EHD4: variants seen among roughly 807,000 people sequenced by gnomAD.
EHD4 encodes EH domain containing 4, also known as EH domain-containing protein 4.
Under a neutral mutation model 51.0 loss-of-function variants are expected in EHD4, and 37 were observed. The observed-to-expected ratio is 0.73, with a 90% CI of 0.56 to 0.95. The LOEUF is 0.95. Ranked by LOEUF, EHD4 falls within the 40% of genes least tolerant of loss-of-function variation. The probability of loss-of-function intolerance (pLI) is 0.00; values close to 1 mark genes in which losing one functional copy is unlikely to be tolerated. For synonymous variants in EHD4, 297 were observed against 317.3 expected (o/e 0.94, Z 0.68); for missense variants, 632 against 733.1 (o/e 0.86, Z 1.59).
chr15:41,931,867 G>A lies in EHD4; in HGVS notation c.511+11200C>T, dbSNP rs923273536. Among the ~76,000 whole-genome samples, 20 of 152,136 alleles carry A rather than the reference G, an allele frequency of 1.3e-4. No homozygotes were observed. The South Asian group carries it at 1.5e-3, about 11-fold the overall frequency. On this transcript the variant is annotated intron_variant, in intron 3 of 5. Coordinates refer to ENST00000220325, the MANE Select transcript of EHD4 (RefSeq NM_139265.4). ...AATTTTTGTATTTTTAGTAGAGACA[G>A]GGTTTCACCATGTTGGTCAGGCTGG...
At chr15:41,962,568 T>C (rs190265209) in intron 1 of EHD4, among the ~76,000 whole-genome samples, 53 of 148,248 alleles carry the variant, frequency 3.6e-4, no homozygotes, top group African/African-American at 9.5e-4. Flanking sequence ...CACAACAATA[T>C]AATTGAGACA....
rs756909109 is a variant in EHD4, at chr15:41,900,624, C to A, written c.*21G>T. ...TGAGGCCCAGGTCCCCCAGTTCCCA[C>A]CCCGTTCTGCAGCCCACCCCTCAGT... On this transcript the variant is annotated 3_prime_UTR_variant, in exon 6 of 6. Transcript: ENST00000220325. The surrounding 1 kb of genome is among the most constrained non-coding windows in gnomAD (Gnocchi z 4.8). The A allele has an allele frequency of 7.1e-6, 11 of 1,555,662 alleles. No individual in the cohort carries two copies. Among genetic ancestry groups the A allele is most frequent in the Admixed American group, 1.8e-5 (1 of 56,786 alleles).
chr15:41,896,338 T>C lies in EHD4; in HGVS notation c.*4307A>G, dbSNP rs572749453. The C allele has an allele frequency of 1.3e-5, 2 of 152,348 alleles. No homozygotes were observed. The highest frequency in any genetic ancestry group is 2.1e-4 in the South Asian group (1 of 4,828). The allele number at this position is 152,348 out of a possible 1,614,324, so 9.4% of individuals were successfully genotyped here. A position where few individuals can be genotyped will look rare whatever the true frequency, so the allele number is the denominator to read the frequency against. ...TGGACACCCCTCTCAGTGCCATTTATATTGTTGCATCAATAGGCTCATTTC... is the reference window on the plus strand; with the variant it reads ...TGGACACCCCTCTCAGTGCCATTTACATTGTTGCATCAATAGGCTCATTTC... On this transcript the variant is annotated 3_prime_UTR_variant, in exon 6 of 6. Transcript: ENST00000220325.
chr15:41,960,602 C>T (rs1267730554), intron 1 of EHD4, among the ~76,000 whole-genome samples: 3 of 151,798 alleles, frequency 2.0e-5, no homozygotes, highest in African/African-American at 7.3e-5. Flanking sequence ...CCTGAACAAA[C>T]ATCTCATCTA....
intron 2 of EHD4, among the ~76,000 whole-genome samples, chr15:41,946,369 G>C (rs563349212): frequency 6.6e-6 from 1 of 152,242 alleles, no homozygotes; most frequent in Admixed American, 6.5e-5. Context: ...AGCAGAGATG[G>C]GGGATAAAGT....
chr15:41,933,849 G>C (rs543139432), intron 3 of EHD4, among the ~76,000 whole-genome samples: 1 of 152,272 alleles, frequency 6.6e-6, no homozygotes, highest in South Asian at 2.1e-4. Context: ...AGGCGGGGGT[G>C]CTCCTGCAAG....
chr15:41,964,773 AT>A (rs896523565), intron 1 of EHD4, among the ~76,000 whole-genome samples: 24 of 130,742 alleles, frequency 1.8e-4, no homozygotes, highest in East Asian at 6.5e-4. Flanking sequence ...AAAAAAAAAA[AT>A]ATATATATAT....
chr15:41,916,085 C>T (rs1426164683), intron 4 of EHD4, among the ~76,000 whole-genome samples: 1 of 152,198 alleles, frequency 6.6e-6, no homozygotes, highest in Non-Finnish European at 1.5e-5. Flanking sequence ...AATAAACATA[C>T]TCCACAACCC....
chr15:41,919,029 T>G (rs917046465), intron 4 of EHD4, among the ~76,000 whole-genome samples, 181 bp downstream of exon 4: 1 of 151,944 alleles, frequency 6.6e-6, no homozygotes, highest in African/African-American at 2.4e-5. Context: ...TGCCCAGGAG[T>G]GCAGAGCCAG....
chr15:41,896,933 C>T lies in EHD4; in HGVS notation c.*3712G>A, dbSNP rs1156970785. 1 of 152,088 alleles carries T rather than the reference C, an allele frequency of 6.6e-6. No individual in the cohort carries two copies. The highest frequency in any genetic ancestry group is 2.4e-5 in the African/African-American group (1 of 41,406). 9.4% of individuals were successfully genotyped at this position (152,088 alleles called of 1,614,324 possible). A position where few individuals can be genotyped will look rare whatever the true frequency, so the allele number is the denominator to read the frequency against. On this transcript the variant is annotated 3_prime_UTR_variant, in exon 6 of 6. Coordinates refer to ENST00000220325, the MANE Select transcript of EHD4 (RefSeq NM_139265.4). Reference sequence around the variant, plus strand: ...GGCACACCCTCTCCCTAACTCTTCTCCCCCGGTTCAACCTGGATCCAGGGA... The same window carrying T: ...GGCACACCCTCTCCCTAACTCTTCTTCCCCGGTTCAACCTGGATCCAGGGA...
At chr15:41,941,316 A>T (rs937468739) in intron 3 of EHD4, among the ~76,000 whole-genome samples, 5 of 152,260 alleles carry the variant, frequency 3.3e-5, no homozygotes, top group African/African-American at 1.2e-4. Context: ...GCATGGAATG[A>T]TGTCCAAGGT....
chr15:41,909,751 T>C lies in EHD4; in HGVS notation c.1037A>G (p.Gln346Arg). The C allele has an allele frequency of 6.2e-7, 1 of 1,614,218 alleles. No homozygotes were observed. The highest frequency in any genetic ancestry group is 8.5e-7 in the Non-Finnish European group (1 of 1,180,042). The change falls in exon 5 of 6, where the codon CAG becomes CGG. Residue 346 changes from glutamine (Q) to arginine (R), a missense_variant. Physicochemically the swap from Gln to Arg is conservative, Grantham distance 43. Coordinates refer to ENST00000220325, the MANE Select transcript of EHD4 (RefSeq NM_139265.4). Reference sequence around the variant, plus strand: ...CCCTGCAGAAATCTGGTATTCTCGCTGTAGCTGAATGTAGATTTCCGGTAG... The same window carrying C: ...CCCTGCAGAAATCTGGTATTCTCGCCGTAGCTGAATGTAGATTTCCGGTAG... Reference protein sequence around the residue: ...SRLPEIYIQLQREYQISAGDF... With the variant: ...SRLPEIYIQLRREYQISAGDF...
At chr15:41,947,241 G>A (rs1316424873) in intron 2 of EHD4, among the ~76,000 whole-genome samples, 4 of 152,210 alleles carry the variant, frequency 2.6e-5, no homozygotes, top group African/African-American at 7.2e-5. Flanking sequence ...AAGGGGTGAC[G>A]TGCCACAGCC....
rs766046178 is a variant in EHD4 at position 41,900,858 on chromosome 15, C to T, written c.1413G>A (p.Lys471=). 6.2e-7 allele frequency: 1 copy of T among 1,614,192 alleles called. No homozygotes were observed. Among genetic ancestry groups the T allele is most frequent in the Non-Finnish European group, 8.5e-7 (1 of 1,180,036 alleles). ...GCAGCTTGGAGGTCACCATCTCCTTCTTGGCGTTGACACCTGATATCTTGC... is the reference window on the plus strand; with the variant it reads ...GCAGCTTGGAGGTCACCATCTCCTTTTTGGCGTTGACACCTGATATCTTGC... The part of the protein sequence containing the change: ...INGKISGVNA[K]KEMVTSKLPN... The change falls in exon 6 of 6, where the codon AAG becomes AAA. Residue 471 remains lysine (K), a synonymous_variant. Transcript: ENST00000220325. This position sits in a 1 kb window ranked among gnomAD's most constrained non-coding sequence, Gnocchi z 4.8.
chr15:41,963,599 CAAA>C (rs763703781), intron 1 of EHD4, among the ~76,000 whole-genome samples: 13 of 62,178 alleles, frequency 2.1e-4, no homozygotes, highest in Non-Finnish European at 3.2e-4. Context: ...GAGTCTGTTT[CAAA>C]AAAAAAAAAA....
chr15:41,939,792 CAAAAA>C (rs537857115), intron 3 of EHD4, among the ~76,000 whole-genome samples: 2 of 80,246 alleles, frequency 2.5e-5, no homozygotes, highest in Non-Finnish European at 2.4e-5. Flanking sequence ...GACTCCGTCT[CAAAAA>C]AAAAAAAAAA....
chr15:41,942,974 C>A, intron 3 of EHD4, 93 bp downstream of exon 3: 1 of 1,237,238 alleles, frequency 8.1e-7, no homozygotes, highest in Non-Finnish European at 1.1e-6. Flanking sequence ...TCCTGGAGGA[C>A]GGATAGAATA....
intron 1 of EHD4, among the ~76,000 whole-genome samples, chr15:41,970,448 A>C (rs964100155): frequency 1.3e-5 from 2 of 152,388 alleles, no homozygotes; most frequent in Non-Finnish European, 2.9e-5. Flanking sequence ...ACCCTTCATA[A>C]AACTGCGCTT....
At position 41,955,392 on chromosome 15, in the gene EHD4, C is replaced by G. The variant is rs545022290; in HGVS notation, c.237-1452G>C. ...GAAATGGCCTCAAGTTAGTGGTTTG[C>G]TCAGGGGTGAAGAGCAAAGCAAAGT... On this transcript the variant is annotated intron_variant, in intron 1 of 5. Coordinates refer to ENST00000220325, the MANE Select transcript of EHD4 (RefSeq NM_139265.4). 3.9e-5 allele frequency among the ~76,000 whole-genome samples: 6 copies of G among 152,248 alleles called. No homozygotes were observed. The South Asian group carries it at 1.0e-3, about 26-fold the overall frequency.
Sources: gnomAD v4.1 joint callset for allele counts (sites outside exome capture counted in the v4.1 genomes callset) on GRCh38, gnomAD v4.1.1 for gene constraint, Gnocchi (gnomAD v3.1) non-coding constraint, MANE v1.5 for transcripts, NCBI Gene and HGNC (gene_info 2026-07-23, HGNC 2026-07-21) for gene names.